The following ABLIM1 variants were observed in gnomAD, a reference collection of about 807,000 sequenced individuals.
The protein encoded by ABLIM1 is actin binding LIM protein 1, also known as actin-binding LIM protein 1.
Under a neutral mutation model 107.0 loss-of-function variants are expected in ABLIM1, and 40 were observed. The ratio of observed to expected loss-of-function variants is 0.37; its 90% CI spans 0.29 to 0.49. ABLIM1 has a LOEUF of 0.49. Ranked by LOEUF, ABLIM1 falls within the 20% of genes least tolerant of loss-of-function variation. ABLIM1 has a pLI of 0.97. For missense variants in ABLIM1, 857 were observed against 1,008.5 expected (o/e 0.85, Z 2.04); for synonymous variants, 357 against 357.3 (o/e 1.00, Z 0.01).
chr10:114,462,621 C>T (rs951537314), intron 12 of ABLIM1, among the ~76,000 whole-genome samples: 4 of 152,060 alleles, frequency 2.6e-5, no homozygotes, highest in South Asian at 2.1e-4. Context: ...GGTTTATCAC[C>T]GGTAAGACAA....
At chr10:114,453,624 T>G in intron 12 of ABLIM1, 141 bp from the exon 13 acceptor site, 1 of 733,814 alleles carries the variant, frequency 1.4e-6, no homozygotes, top group Non-Finnish European at 2.1e-6. Flanking sequence ...CAAACTCAAT[T>G]TATCAACTTG....
At chr10:114,449,649 C>T (rs1192282485) in intron 14 of ABLIM1, among the ~76,000 whole-genome samples, 2 of 152,186 alleles carry the variant, frequency 1.3e-5, no homozygotes, top group South Asian at 2.1e-4. Flanking sequence ...ATGAGAAAAC[C>T]ATTTCAGCTT....
intron 20 of ABLIM1, 54 bp from the exon 21 acceptor site, chr10:114,439,304 A>T (rs1431490504): frequency 3.1e-6 from 5 of 1,595,916 alleles, no homozygotes; most frequent in African/African-American, 2.7e-5. Context: ...AGGAAACTGA[A>T]GGGAGTACTC....
chr10:114,777,719 C>T, the ABLIM1 span, among the ~76,000 whole-genome samples: 7 of 152,322 alleles, frequency 4.6e-5, no homozygotes, highest in East Asian at 1.9e-4. Flanking sequence ...GCCAGCCCCA[C>T]GCAAGCACCA....
intron 1 of ABLIM1, among the ~76,000 whole-genome samples, chr10:114,729,424 A>G (rs2082027874): frequency 6.6e-6 from 1 of 152,132 alleles, no homozygotes; most frequent in Non-Finnish European, 1.5e-5. Context: ...TCTCATGACC[A>G]GAGCTAATTA....
At chr10:114,545,208 C>T (rs1464424662) in intron 5 of ABLIM1, 110 bp from the exon 6 acceptor site, 2 of 971,832 alleles carry the variant, frequency 2.1e-6, no homozygotes, top group African/African-American at 1.6e-5. Flanking sequence ...ACATATTTCT[C>T]CCCTGCCCAG....
intron 1 of ABLIM1, chr10:114,615,659 C>T (rs1325446345): frequency 2.3e-5 from 10 of 429,670 alleles, no homozygotes; most frequent in Non-Finnish European, 4.4e-5. Flanking sequence ...GGCTTTCTGT[C>T]TCTTTTCCAG....
At chr10:114,481,122 G>A (rs1186877274) in intron 8 of ABLIM1, among the ~76,000 whole-genome samples, 1 of 151,868 alleles carries the variant, frequency 6.6e-6, no homozygotes, top group African/African-American at 2.4e-5. Flanking sequence ...TCCATTACAG[G>A]TCTTATTATT....
rs1160002219 is a variant in ABLIM1, at chr10:114,547,793, G to A, written c.674-17C>T. 1.2e-6 allele frequency: 2 copies of A among 1,604,448 alleles called. No homozygotes were observed. The highest frequency in any genetic ancestry group is 1.7e-5 in the Admixed American group (1 of 59,976). On this transcript the variant is annotated splice_polypyrimidine_tract_variant and intron_variant, in intron 4 of 22. Coordinates refer to ENST00000533213, the MANE Select transcript of ABLIM1 (RefSeq NM_002313.7). ...CGGCACAATCTGAAAAAGAGCAGCC[G>A]CCAGTGGTTACTACACATTTCCTTT...
intron 1 of ABLIM1, among the ~76,000 whole-genome samples, chr10:114,617,717 A>C (rs2077218130): frequency 6.6e-6 from 1 of 152,238 alleles, no homozygotes; most frequent in South Asian, 2.1e-4. Context: ...GGCACAGGCC[A>C]CATTTGAAAT....
intron 6 of ABLIM1, among the ~76,000 whole-genome samples, chr10:114,512,951 G>A (rs375880049): frequency 6.6e-6 from 1 of 151,848 alleles, no homozygotes; most frequent in African/African-American, 2.4e-5. Flanking sequence ...CAAGCAAGCC[G>A]AATTTTGCTT....
chr10:114,759,922 A>C (rs906278552), intron 1 of ABLIM1, among the ~76,000 whole-genome samples: 2 of 152,218 alleles, frequency 1.3e-5, no homozygotes, highest in African/African-American at 4.8e-5. Flanking sequence ...TAACTTATAT[A>C]GTATATGTAA....
chr10:114,483,075 C>T (rs1377956926), intron 8 of ABLIM1, among the ~76,000 whole-genome samples: 1 of 152,126 alleles, frequency 6.6e-6, no homozygotes, highest in Non-Finnish European at 1.5e-5. Flanking sequence ...TTGACTTCAC[C>T]GTGTGTGGAA....
intron 1 of ABLIM1, among the ~76,000 whole-genome samples, chr10:114,745,831 G>A (rs1209795270): frequency 6.6e-6 from 1 of 151,870 alleles, no homozygotes; most frequent in African/African-American, 2.4e-5. Context: ...ACAAGAGCAA[G>A]ACTGTGTCTA....
chr10:114,645,461 GTC>G (rs2078972939), intron 1 of ABLIM1, among the ~76,000 whole-genome samples: 1 of 151,718 alleles, frequency 6.6e-6, no homozygotes, highest in South Asian at 2.1e-4. Context: ...TCCTCGCAGA[GTC>G]TCTTTTTTTT....
At chr10:114,529,380 C>A (rs1395825977) in intron 6 of ABLIM1, among the ~76,000 whole-genome samples, 1 of 152,086 alleles carries the variant, frequency 6.6e-6, no homozygotes, top group Non-Finnish European at 1.5e-5. Context: ...CCTCAACCTC[C>A]CAAAGTGCCG....
intron 14 of ABLIM1, 64 bp from the exon 15 acceptor site, chr10:114,448,084 C>T (rs2061313664): frequency 1.9e-6 from 3 of 1,598,314 alleles, no homozygotes; most frequent in Admixed American, 1.7e-5. Flanking sequence ...GCGGTACAAC[C>T]CCACTTACAT....
At chr10:114,610,332 G>C (rs989623295) in intron 1 of ABLIM1, among the ~76,000 whole-genome samples, 1 of 152,184 alleles carries the variant, frequency 6.6e-6, no homozygotes, top group African/African-American at 2.4e-5. Context: ...GTTGAGACTG[G>C]TCTGGATTTG....
chr10:114,661,634 A>G (rs2079799945), upstream of ABLIM1, among the ~76,000 whole-genome samples: 1 of 152,212 alleles, frequency 6.6e-6, no homozygotes, highest in African/African-American at 2.4e-5. Flanking sequence ...GACCGTTTCT[A>G]TGGTTCTATG....
Sources: allele counts gnomAD v4.1 joint callset (sites outside exome capture counted in the v4.1 genomes callset), GRCh38; gene constraint gnomAD v4.1.1; transcripts MANE v1.5; gene names NCBI Gene and HGNC (gene_info 2026-07-23, HGNC 2026-07-21).